PRKAG2: variants seen among roughly 807,000 people sequenced by gnomAD.
PRKAG2 encodes the protein protein kinase AMP-activated non-catalytic subunit gamma 2.
A neutral mutation model predicts 69.6 loss-of-function variants in PRKAG2; 26 were observed. The ratio of observed to expected loss-of-function variants is 0.37; its 90% CI spans 0.27 to 0.52. PRKAG2 has a LOEUF of 0.52. Among genes scored for constraint, PRKAG2 ranks in the 20% least tolerant of loss-of-function variants. PRKAG2 has a pLI of 0.90. For missense variants in PRKAG2, 557 were observed against 740.0 expected (o/e 0.75, Z 2.87); for synonymous variants, 293 against 285.0 (o/e 1.03, Z -0.28).
chr7:151,794,485 C>T (rs1056244911), intron 1 of PRKAG2, among the ~76,000 whole-genome samples: 12 of 152,222 alleles, frequency 7.9e-5, no homozygotes, highest in African/African-American at 2.4e-4. Context: ...AGGCCCTTCC[C>T]GCGGTGTGAG....
At chr7:151,689,620 C>T (rs1005599847) in intron 3 of PRKAG2, among the ~76,000 whole-genome samples, 8 of 152,254 alleles carry the variant, frequency 5.3e-5, no homozygotes, top group South Asian at 4.1e-4. Context: ...TTCCCCTTCC[C>T]GCCAGGTCTC....
chr7:151,745,282 A>T (rs2074204211), intron 3 of PRKAG2, among the ~76,000 whole-genome samples: 1 of 152,218 alleles, frequency 6.6e-6, no homozygotes, highest in African/African-American at 2.4e-5. Context: ...GGGAGCAGCA[A>T]CACGCCTTAG....
At chr7:151,644,599 CAT>C (rs910036099) in intron 4 of PRKAG2, among the ~76,000 whole-genome samples, 9 of 152,224 alleles carry the variant, frequency 5.9e-5, no homozygotes, top group African/African-American at 2.2e-4. Flanking sequence ...AGTTGATGGA[CAT>C]GTGGGATATT....
chr7:151,571,377 T>C (rs1035355803), intron 9 of PRKAG2, among the ~76,000 whole-genome samples: 8 of 152,136 alleles, frequency 5.3e-5, no homozygotes, highest in Non-Finnish European at 1.2e-4. Flanking sequence ...CTGGCTCTAA[T>C]TTTGTATTTT....
rs730880983 is a variant in PRKAG2 at position 151,557,206 on chromosome 7, C to G, written c.1705G>C (p.Glu569Gln). The change falls in exon 16 of 16, where the codon GAG becomes CAG. Residue 569 changes from glutamate (E) to glutamine (Q), a missense_variant. Coordinates refer to ENST00000287878, the MANE Select transcript of PRKAG2 (RefSeq NM_016203.4). ...GGCGTCTACATTCACGGCGGTCACT[C>G]CGTTTCTGTCTCCTTTTGTTTGGCA... The part of the protein sequence containing the change: ...AGAKQKETET[E>Q] 7 of 1,614,036 alleles carry G rather than the reference C, an allele frequency of 4.3e-6. No homozygotes were observed. Among genetic ancestry groups the G allele is most frequent in the Non-Finnish European group, 5.9e-6 (7 of 1,180,030 alleles).
intron 3 of PRKAG2, among the ~76,000 whole-genome samples, chr7:151,772,501 T>C (rs1055519451): frequency 6.6e-6 from 1 of 152,286 alleles, no homozygotes; most frequent in East Asian, 1.9e-4. Context: ...CTCATCAATA[T>C]AGCAAAGCTC....
chr7:151,625,268 A>T (rs1372989750), intron 5 of PRKAG2, among the ~76,000 whole-genome samples: 1 of 152,162 alleles, frequency 6.6e-6, no homozygotes, highest in Non-Finnish European at 1.5e-5. Flanking sequence ...AAGGAGAGGA[A>T]GGAATGATTC....
At chr7:151,834,857 G>A (rs1019587482) in intron 1 of PRKAG2, among the ~76,000 whole-genome samples, 1 of 152,240 alleles carries the variant, frequency 6.6e-6, no homozygotes, top group Non-Finnish European at 1.5e-5. Context: ...GGTGTCGGCA[G>A]GGCTGGGTCT....
chr7:151,664,349 C>T (rs747711890), intron 4 of PRKAG2, among the ~76,000 whole-genome samples: 44 of 152,092 alleles, frequency 2.9e-4, no homozygotes, highest in Non-Finnish European at 4.6e-4. Flanking sequence ...AACAGAGGCC[C>T]GGGTACAGTG....
intron 3 of PRKAG2, among the ~76,000 whole-genome samples, chr7:151,760,533 C>G (rs2075351782): frequency 6.6e-6 from 1 of 152,206 alleles, no homozygotes; most frequent in South Asian, 2.1e-4. Flanking sequence ...GCCACTGCAC[C>G]CAGCTGAGAG....
At chr7:151,644,626 A>G (rs185251595) in intron 4 of PRKAG2, among the ~76,000 whole-genome samples, 1 of 152,290 alleles carries the variant, frequency 6.6e-6, no homozygotes, top group Non-Finnish European at 1.5e-5. Context: ...CTTTTTGACC[A>G]TTGGGAATAA....
In PRKAG2 at chr7:151,855,396, C is replaced by CTCCA. The variant is rs2079729225; in HGVS notation, c.114+21110_114+21111insTGGA. ...ACACACCGCCCTCCACACACACCAT[C>CTCCA]CACACACCACCCTCCACATACACCA... On this transcript the variant is annotated intron_variant, in intron 1 of 15. Transcript: ENST00000287878. Among the ~76,000 whole-genome samples the CTCCA allele has an allele frequency of 2.1e-3, 27 of 12,744 alleles. 6 individuals carry two copies. Among genetic ancestry groups the CTCCA allele is most frequent in the South Asian group, 6.5e-3 (2 of 308 alleles). The allele number at this position is 12,744 out of a possible 152,430, so 8.4% of individuals were successfully genotyped here.
At chr7:151,718,887 ATC>A (rs1422572658) in intron 3 of PRKAG2, among the ~76,000 whole-genome samples, 2 of 152,096 alleles carry the variant, frequency 1.3e-5, no homozygotes, top group East Asian at 3.9e-4. Context: ...AACTGGCTTC[ATC>A]TCTCTTCAGC....
At chr7:151,724,084 C>T (rs1797542699) in intron 3 of PRKAG2, among the ~76,000 whole-genome samples, 1 of 152,182 alleles carries the variant, frequency 6.6e-6, no homozygotes, top group Non-Finnish European at 1.5e-5. Flanking sequence ...TACACCTTCC[C>T]TCTGGAGCAC....
At chr7:151,560,460 C>T (rs764791989) in intron 15 of PRKAG2, 64 bp downstream of exon 15, 2 of 1,613,246 alleles carry the variant, frequency 1.2e-6, no homozygotes, top group South Asian at 2.2e-5. Context: ...AAATGCTGCA[C>T]TTCCTGTTCT....
At chr7:151,831,729 G>A (rs138721824) in intron 1 of PRKAG2, among the ~76,000 whole-genome samples, 99 of 152,200 alleles carry the variant, frequency 6.5e-4, no homozygotes, top group African/African-American at 2.3e-3. Flanking sequence ...CTCGGGTCCT[G>A]GCCTCGCCCC....
At chr7:151,839,639 G>A (rs1008582361) in intron 1 of PRKAG2, among the ~76,000 whole-genome samples, 3 of 152,208 alleles carry the variant, frequency 2.0e-5, no homozygotes, top group Admixed American at 6.5e-5. Flanking sequence ...TCATGGAGAC[G>A]CCGCCTCGGG....
chr7:151,730,120 C>T (rs758624391), intron 3 of PRKAG2, among the ~76,000 whole-genome samples: 2 of 152,124 alleles, frequency 1.3e-5, no homozygotes, highest in Non-Finnish European at 2.9e-5. Context: ...GGAATGCATA[C>T]GTGAAATGGT....
chr7:151,568,629 T>C, intron 11 of PRKAG2, 87 bp downstream of exon 11: 2 of 1,439,300 alleles, frequency 1.4e-6, no homozygotes, highest in Non-Finnish European at 1.9e-6. Context: ...TTTCTTCTAC[T>C]GAGGGTAACA....
Sources: gnomAD v4.1 joint callset for allele counts (sites outside exome capture counted in the v4.1 genomes callset) on GRCh38, gnomAD v4.1.1 for gene constraint, MANE v1.5 for transcripts, NCBI Gene and HGNC (gene_info 2026-07-23, HGNC 2026-07-21) for gene names.